PTPRD: variants seen among roughly 807,000 people sequenced by gnomAD.
PTPRD encodes the protein protein tyrosine phosphatase receptor type D.
PTPRD carries 34 observed loss-of-function variants against 214.5 expected under a neutral mutation model. The ratio of observed to expected loss-of-function variants is 0.16; its 90% confidence interval spans 0.12 to 0.21. PTPRD has a LOEUF of 0.21. Ranked by LOEUF, PTPRD falls within the 10% of genes least tolerant of loss-of-function variation. PTPRD has a pLI of 1.00. For synonymous variants in PTPRD, 1,128 were observed against 845.7 expected (o/e 1.33, Z -5.79); for missense variants, 2,545 against 2,398.7 (o/e 1.06, Z -1.27).
At chr9:8,807,722 G>T (rs188863019) in intron 11 of PTPRD, among the ~76,000 whole-genome samples, 67 of 151,888 alleles carry the variant, frequency 4.4e-4, no homozygotes, top group African/African-American at 1.6e-3. Context: ...GTCTTTCATG[G>T]TTATTCAGAA....
At chr9:8,853,428 G>A (rs192363291) in intron 11 of PTPRD, among the ~76,000 whole-genome samples, 2 of 152,070 alleles carry the variant, frequency 1.3e-5, no homozygotes, top group Non-Finnish European at 2.9e-5. Flanking sequence ...TTAAAAAAGG[G>A]AGAGAATTTG....
chr9:8,665,139 G>A (rs1364864662), intron 12 of PTPRD, among the ~76,000 whole-genome samples: 1 of 152,124 alleles, frequency 6.6e-6, no homozygotes, highest in African/African-American at 2.4e-5. Context: ...GGGAGGGTGT[G>A]GTTCTTTCAC....
chr9:9,195,086 G>GTATATATATATATATA (rs540804635), intron 9 of PTPRD, among the ~76,000 whole-genome samples: 3,412 of 130,680 alleles, frequency 0.026, 97 homozygotes, highest in East Asian at 0.14. Flanking sequence ...GTGTGTTTGT[G>GTATATATATATATATA]TATATATATA....
chr9:9,318,591 A>T (rs542607418), intron 9 of PTPRD, among the ~76,000 whole-genome samples: 1 of 152,208 alleles, frequency 6.6e-6, no homozygotes, highest in Non-Finnish European at 1.5e-5. Context: ...TTTTTTCTGC[A>T]AACGATTTCA....
chr9:8,714,576 T>TC (rs1273936260), intron 12 of PTPRD, among the ~76,000 whole-genome samples: 1 of 152,224 alleles, frequency 6.6e-6, no homozygotes, highest in African/African-American at 2.4e-5. Context: ...TTTTCTCCAT[T>TC]CATTCCCCTT....
At chr9:10,486,135 C>A (rs558996791) in intron 2 of PTPRD, among the ~76,000 whole-genome samples, 1 of 151,858 alleles carries the variant, frequency 6.6e-6, no homozygotes, top group East Asian at 1.9e-4. Flanking sequence ...TGTAGGTTGC[C>A]TGTTCACTCT....
At chr9:9,705,662 A>G (rs561092619) in intron 7 of PTPRD, among the ~76,000 whole-genome samples, 74 of 152,262 alleles carry the variant, frequency 4.9e-4, no homozygotes, top group Admixed American at 4.3e-3. Flanking sequence ...TATATTTTAA[A>G]ATAAATATAC....
chr9:8,334,048 A>C lies in PTPRD; in HGVS notation c.5380-2312T>G, dbSNP rs577536084. ...GATTCATAAAATAAAGCAAGTTCTT[A>C]GATACCTACAAAGAGACTTAGACTC... is the stretch of plus-strand genomic sequence containing the variant. On this transcript the variant is annotated intron_variant, in intron 43 of 45. Coordinates refer to ENST00000381196, the MANE Select transcript of PTPRD (RefSeq NM_002839.4). Among the ~76,000 whole-genome samples the C allele has an allele frequency of 1.4e-3, 216 of 152,310 alleles. 1 individual carries two copies. Among genetic ancestry groups the C allele is most frequent in the Non-Finnish European group, 5.9e-4 (40 of 68,020 alleles).
intron 4 of PTPRD, among the ~76,000 whole-genome samples, chr9:9,939,149 C>G (rs1986863): frequency 0.36 from 54,768 of 151,870 alleles, 10,547 homozygotes; most frequent in East Asian, 0.74. Flanking sequence ...GATGTTTTCT[C>G]AAACGCACCA....
chr9:8,474,238 T>A (rs35192543), intron 30 of PTPRD, among the ~76,000 whole-genome samples: 3,519 of 152,234 alleles, frequency 0.023, 102 homozygotes, highest in African/African-American at 0.068. Flanking sequence ...AGCTACATTA[T>A]GATCTTCTCT....
intron 10 of PTPRD, among the ~76,000 whole-genome samples, chr9:9,099,122 T>G (rs2099787822): frequency 6.6e-6 from 1 of 152,180 alleles, no homozygotes; most frequent in Admixed American, 6.5e-5. Flanking sequence ...TGTTTACAAA[T>G]GTGATAAAAC....
chr9:9,667,055 T>C (rs2096737352), intron 7 of PTPRD, among the ~76,000 whole-genome samples: 1 of 152,088 alleles, frequency 6.6e-6, no homozygotes. Context: ...TACAAATTTG[T>C]TAGCCAGTCT....
At chr9:8,950,658 G>A (rs766580182) in intron 11 of PTPRD, among the ~76,000 whole-genome samples, 5 of 151,466 alleles carry the variant, frequency 3.3e-5, no homozygotes, top group African/African-American at 7.3e-5. Flanking sequence ...CCAATAGATA[G>A]AACTTCCCAG....
chr9:10,210,705 C>T (rs2099511771), intron 3 of PTPRD, among the ~76,000 whole-genome samples: 1 of 146,006 alleles, frequency 6.8e-6, no homozygotes, highest in East Asian at 2.0e-4. Flanking sequence ...ATACATAATA[C>T]AAGAAGTTGT....
chr9:9,197,359 G>T lies in PTPRD; in HGVS notation c.-202-13996C>A, dbSNP rs151027914. Among the ~76,000 whole-genome samples the T allele has an allele frequency of 5.9e-5, 9 of 152,128 alleles. 1 individual carries two copies. The South Asian group carries it at 1.4e-3, about 25-fold the overall frequency. Reference sequence around the variant, plus strand: ...AACTCAACTTCTTTGACTGGTGGTCGTCTTCAGCTGGAGTGCACTGACACT... The same window carrying T: ...AACTCAACTTCTTTGACTGGTGGTCTTCTTCAGCTGGAGTGCACTGACACT... On this transcript the variant is annotated intron_variant, in intron 9 of 45. Transcript: ENST00000381196.
chr9:8,374,721 T>C (rs760199026), intron 39 of PTPRD, among the ~76,000 whole-genome samples: 4 of 152,002 alleles, frequency 2.6e-5, no homozygotes, highest in African/African-American at 4.8e-5. Flanking sequence ...ATTAGTAAAA[T>C]ACTCTCCATA....
intron 11 of PTPRD, among the ~76,000 whole-genome samples, chr9:9,006,783 T>C (rs1229604484): frequency 1.3e-5 from 2 of 152,118 alleles, no homozygotes; most frequent in East Asian, 3.9e-4. Flanking sequence ...TCCACAGATA[T>C]TTTTCAATAT....
chr9:10,558,342 A>C (rs1277170833), intron 2 of PTPRD, among the ~76,000 whole-genome samples: 1 of 152,200 alleles, frequency 6.6e-6, no homozygotes, highest in Non-Finnish European at 1.5e-5. Flanking sequence ...ATGATGGAGG[A>C]AAAAATAATA....
At chr9:8,429,759 G>A (rs1166601235) in intron 35 of PTPRD, among the ~76,000 whole-genome samples, 4 of 152,238 alleles carry the variant, frequency 2.6e-5, no homozygotes, top group South Asian at 4.2e-4. Context: ...ATCCAGAGAC[G>A]GCAGCAAATG....
Sources: allele counts gnomAD v4.1 joint callset (sites outside exome capture counted in the v4.1 genomes callset), GRCh38; gene constraint gnomAD v4.1.1; transcripts MANE v1.5; gene names NCBI Gene and HGNC (gene_info 2026-07-23, HGNC 2026-07-21).